RBMS3: variants seen among roughly 807,000 people sequenced by gnomAD.
RBMS3 encodes RNA-binding motif, single-stranded-interacting protein 3.
In RBMS3, 27 loss-of-function variants were observed where a neutral mutation model predicts 66.8. The observed-to-expected ratio is 0.40, with a 90% CI of 0.30 to 0.56. The LOEUF is 0.56. RBMS3 is among the 20% of genes least tolerant of loss of function. The pLI, the probability that RBMS3 is intolerant of heterozygous loss-of-function variation, is 0.40. For synonymous variants in RBMS3, 188 were observed against 183.0 expected, an observed-to-expected ratio of 1.03 and a Z score of -0.22; for missense variants, 513 against 549.5, an observed-to-expected ratio of 0.93 and a Z score of 0.66.
chr3:29,418,118 A>G (rs2040554663), intron 1 of RBMS3, among the ~76,000 whole-genome samples: 2 of 152,162 alleles, frequency 1.3e-5, no homozygotes, highest in South Asian at 4.1e-4. Flanking sequence ...AAACTAGCAC[A>G]TCAGCTACAA....
At chr3:29,357,559 T>A (rs1271656407) in intron 1 of RBMS3, among the ~76,000 whole-genome samples, 2 of 152,230 alleles carry the variant, frequency 1.3e-5, no homozygotes, top group Non-Finnish European at 2.9e-5. Flanking sequence ...TTTGGGTATA[T>A]ACCCAGTAAT....
intron 4 of RBMS3, among the ~76,000 whole-genome samples, chr3:29,604,024 G>T (rs550682573): frequency 6.6e-6 from 1 of 151,900 alleles, no homozygotes; most frequent in Admixed American, 6.6e-5. Context: ...TAGAAGCCAG[G>T]ATGCTGCTAA....
chr3:29,691,574 C>T (rs189602920), intron 4 of RBMS3, among the ~76,000 whole-genome samples: 1 of 152,002 alleles, frequency 6.6e-6, no homozygotes. Context: ...AAAGAAAAGT[C>T]AAGAAGTCCC....
At chr3:29,778,038 T>G (rs1267910972) in intron 6 of RBMS3, among the ~76,000 whole-genome samples, 1 of 151,874 alleles carries the variant, frequency 6.6e-6, no homozygotes, top group Non-Finnish European at 1.5e-5. Flanking sequence ...AGCACTGATA[T>G]CTCCCCTTGA....
chr3:29,358,085 A>G (rs369013359), intron 1 of RBMS3, among the ~76,000 whole-genome samples: 1 of 152,010 alleles, frequency 6.6e-6, no homozygotes, highest in Non-Finnish European at 1.5e-5. Context: ...TTTTGTTGCT[A>G]TTGCTTTTGG....
At chr3:29,492,990 A>T (rs1305029425) in intron 3 of RBMS3, among the ~76,000 whole-genome samples, 1 of 152,208 alleles carries the variant, frequency 6.6e-6, no homozygotes, top group African/African-American at 2.4e-5. Context: ...CATACAGTTG[A>T]AACTAGTTAG....
chr3:29,332,953 A>G (rs139113811), intron 1 of RBMS3, among the ~76,000 whole-genome samples: 1 of 152,298 alleles, frequency 6.6e-6, no homozygotes, highest in Admixed American at 6.5e-5. Flanking sequence ...GTTGTAGACT[A>G]GCATATGATT....
At chr3:29,811,460 C>CA (rs1553675829) in intron 6 of RBMS3, among the ~76,000 whole-genome samples, 2 of 151,964 alleles carry the variant, frequency 1.3e-5, no homozygotes, top group Non-Finnish European at 2.9e-5. Flanking sequence ...TGAACACCTT[C>CA]TATAAGCTGG....
Position 29,996,191 on chromosome 3 carries a change from AG to A in RBMS3, c.1307+4985del, listed in dbSNP as rs1411737372. ...AAAGAAGGCCATTACATAATGGTAA[AG>A]GGATCAATTCAACAAGAAGAGCTAA... is the stretch of plus-strand genomic sequence containing the variant. On this transcript the variant is annotated intron_variant, in intron 14 of 14. Coordinates refer to ENST00000383767, the MANE Select transcript of RBMS3 (RefSeq NM_001003793.3). Among the ~76,000 whole-genome samples, 9 of 150,128 alleles carry A rather than the reference AG, an allele frequency of 6.0e-5. No individual in the cohort carries two copies. In the South Asian group the frequency reaches 8.5e-4, roughly 14 times the overall value.
intron 1 of RBMS3, among the ~76,000 whole-genome samples, chr3:29,327,163 A>T (rs1420082603): frequency 1.3e-5 from 2 of 152,174 alleles, no homozygotes; most frequent in African/African-American, 4.8e-5. Flanking sequence ...TTGAAAGTAC[A>T]AAGCAGTCTC....
At chr3:29,404,624 G>C (rs530147265) in intron 1 of RBMS3, among the ~76,000 whole-genome samples, 7 of 152,140 alleles carry the variant, frequency 4.6e-5, no homozygotes, top group African/African-American at 1.7e-4. Context: ...ATTACTTCCT[G>C]GGTAGCTCTG....
At chr3:29,730,923 T>TA in intron 4 of RBMS3, 1 of 985,370 alleles carries the variant, frequency 1.0e-6, no homozygotes, top group Non-Finnish European at 1.2e-6. Context: ...TAACTGGTGA[T>TA]ACTGAGCTCA....
intron 2 of RBMS3, among the ~76,000 whole-genome samples, chr3:29,462,259 G>A (rs954974445): frequency 2.6e-5 from 4 of 152,076 alleles, no homozygotes; most frequent in East Asian, 1.9e-4. Context: ...TGTCAATGTC[G>A]TTATCATCAA....
At chr3:29,610,806 G>C (rs750680537) in intron 4 of RBMS3, among the ~76,000 whole-genome samples, 7 of 152,044 alleles carry the variant, frequency 4.6e-5, no homozygotes, top group Non-Finnish European at 1.0e-4. Context: ...AAGTACTTCT[G>C]TAAGAGAGTC....
chr3:29,503,088 C>A (rs2044039560), intron 3 of RBMS3, among the ~76,000 whole-genome samples: 1 of 152,062 alleles, frequency 6.6e-6, no homozygotes, highest in Non-Finnish European at 1.5e-5. Context: ...GGGTCATTAT[C>A]TTCTTGATGG....
chr3:29,820,188 C>CAAAAAAAAAAAAAA (rs71091078), intron 6 of RBMS3, among the ~76,000 whole-genome samples: 6 of 69,830 alleles, frequency 8.6e-5, no homozygotes, highest in African/African-American at 1.1e-4. Flanking sequence ...GACTTCTTCT[C>CAAAAAAAAAAAAAA]AAAAAAAAAA....
intron 4 of RBMS3, among the ~76,000 whole-genome samples, chr3:29,617,970 A>T (rs991607809): frequency 2.0e-5 from 3 of 152,102 alleles, no homozygotes; most frequent in Non-Finnish European, 4.4e-5. Context: ...TCACTACTTA[A>T]ATGATACATG....
At chr3:29,846,402 G>A (rs2058778483) in intron 6 of RBMS3, among the ~76,000 whole-genome samples, 1 of 152,150 alleles carries the variant, frequency 6.6e-6, no homozygotes, top group African/African-American at 2.4e-5. Context: ...TGGGTGGATG[G>A]TACTGTGATG....
chr3:29,399,989 G>A (rs2039735570), intron 1 of RBMS3, among the ~76,000 whole-genome samples: 1 of 152,048 alleles, frequency 6.6e-6, no homozygotes, highest in African/African-American at 2.4e-5. Context: ...GCTGAATTCA[G>A]GTTTCAAGGA....
Sources: gnomAD v4.1 joint callset for allele counts (sites outside exome capture counted in the v4.1 genomes callset) on GRCh38, gnomAD v4.1.1 for gene constraint, MANE v1.5 for transcripts, NCBI Gene and HGNC (gene_info 2026-07-23, HGNC 2026-07-21) for gene names.